TJP1: variants seen among roughly 807,000 people sequenced by gnomAD.
The protein encoded by TJP1 is tight junction protein ZO-1.
In TJP1, 43 loss-of-function variants were observed where a neutral mutation model predicts 194.2. The observed-to-expected ratio is 0.22, with a 90% CI of 0.17 to 0.29. The LOEUF (loss-of-function observed/expected upper bound fraction) is 0.29, where lower values mean the gene tolerates loss of function less well. TJP1 is among the 10% of genes least tolerant of loss of function. The pLI, the probability that TJP1 is intolerant of heterozygous loss-of-function variation, is 1.00. For missense variants in TJP1, 1,971 were observed against 2,185.7 expected (o/e 0.90, Z 1.96); for synonymous variants, 801 against 779.0 (o/e 1.03, Z -0.47).
chr15:29,858,222 G>A (rs1006267221), intron 2 of TJP1, among the ~76,000 whole-genome samples: 6 of 152,038 alleles, frequency 3.9e-5, no homozygotes, highest in Admixed American at 1.3e-4. Context: ...GCAACATGTC[G>A]AAACTTCGTC....
intron 2 of TJP1, among the ~76,000 whole-genome samples, chr15:29,866,835 T>A (rs536722377): frequency 6.6e-6 from 1 of 152,166 alleles, no homozygotes; most frequent in East Asian, 1.9e-4. Flanking sequence ...GAGAAGGAGA[T>A]CTGCAGGCTC....
At chr15:29,818,007 A>G (rs552025014) in intron 1 of TJP1, among the ~76,000 whole-genome samples, 1 of 151,906 alleles carries the variant, frequency 6.6e-6, no homozygotes, top group Non-Finnish European at 1.5e-5. Flanking sequence ...CCCAGAACTT[A>G]ATTAAAAAAA....
intron 2 of TJP1, among the ~76,000 whole-genome samples, chr15:29,830,788 T>C (rs2050814717): frequency 6.6e-6 from 1 of 152,070 alleles, no homozygotes; most frequent in Non-Finnish European, 1.5e-5. Flanking sequence ...AATCTCCAAC[T>C]AGGAACAGCT....
chr15:29,769,476 TATG>T (rs905035874), intron 4 of TJP1, among the ~76,000 whole-genome samples: 37 of 152,134 alleles, frequency 2.4e-4, no homozygotes, highest in African/African-American at 8.7e-4. Context: ...TAGGTAGTAA[TATG>T]ATGATTTTTG....
At chr15:29,778,062 G>C (rs915823807) in intron 2 of TJP1, among the ~76,000 whole-genome samples, 5 of 151,834 alleles carry the variant, frequency 3.3e-5, no homozygotes, top group Admixed American at 2.0e-4. Context: ...AAAACATTAG[G>C]AACTTTCAAT....
intron 2 of TJP1, among the ~76,000 whole-genome samples, chr15:29,907,277 C>T (rs937814686): frequency 3.3e-5 from 5 of 151,492 alleles, no homozygotes; most frequent in African/African-American, 1.2e-4. Context: ...GGGGTGGTGG[C>T]GGGCGCCTGT....
intron 1 of TJP1, among the ~76,000 whole-genome samples, chr15:29,801,842 G>C (rs2048810795): frequency 6.6e-6 from 1 of 151,630 alleles, no homozygotes; most frequent in South Asian, 2.1e-4. Context: ...GAATTGTCTT[G>C]GGCCACACAT....
At chr15:29,714,273 C>G (rs2042414571) in intron 23 of TJP1, among the ~76,000 whole-genome samples, 1 of 151,944 alleles carries the variant, frequency 6.6e-6, no homozygotes, top group African/African-American at 2.4e-5. Flanking sequence ...GAGTCTGGCT[C>G]TGTCGCCCAG....
chr15:29,939,470 C>A (rs574309236), intron 2 of TJP1, among the ~76,000 whole-genome samples: 7 of 152,288 alleles, frequency 4.6e-5, no homozygotes, highest in African/African-American at 1.7e-4. Flanking sequence ...AGAGCCTACA[C>A]CTGATTTACC....
At chr15:29,818,952 G>A (rs866310252) in intron 1 of TJP1, among the ~76,000 whole-genome samples, 37 of 151,246 alleles carry the variant, frequency 2.4e-4, no homozygotes, top group African/African-American at 8.8e-4. Context: ...CAAGTAGCTG[G>A]GATTATAGGC....
chr15:29,835,654 A>T (rs922926617), intron 2 of TJP1, among the ~76,000 whole-genome samples: 1 of 151,552 alleles, frequency 6.6e-6, no homozygotes, highest in African/African-American at 2.4e-5. Context: ...TAGCTGCAAA[A>T]AAAAAACAAA....
intron 18 of TJP1, among the ~76,000 whole-genome samples, chr15:29,726,016 A>C (rs1485353078): frequency 2.6e-5 from 4 of 152,148 alleles, no homozygotes; most frequent in Admixed American, 2.6e-4. Context: ...GGAGATGCTC[A>C]TCTAGGCCAT....
chr15:29,916,972 C>CA (rs1410768469), intron 2 of TJP1, among the ~76,000 whole-genome samples: 1 of 152,190 alleles, frequency 6.6e-6, no homozygotes, highest in Non-Finnish European at 1.5e-5. Flanking sequence ...AGAACCCCCC[C>CA]TCCACCACCA....
chr15:29,701,436 T>G lies in TJP1; in HGVS notation c.*159A>C. 1.7e-6 allele frequency: 1 copy of G among 590,572 alleles called. No homozygotes were observed. Among genetic ancestry groups the G allele is most frequent in the Non-Finnish European group, 3.0e-6 (1 of 335,874 alleles). 36.6% of individuals were successfully genotyped at this position (590,572 alleles called of 1,614,324 possible). ...GTGTAGCATGTTTTCCGACCATGGT[T>G]CAGGGGCATGCTCACTCATCTTTAT... On this transcript the variant is annotated 3_prime_UTR_variant, in exon 28 of 28. Coordinates refer to ENST00000614355, the MANE Select transcript of TJP1 (RefSeq NM_001330239.4).
chr15:29,902,586 A>C (rs1385675473), intron 2 of TJP1, among the ~76,000 whole-genome samples: 1 of 152,184 alleles, frequency 6.6e-6, no homozygotes, highest in Admixed American at 6.6e-5. Flanking sequence ...GTATGAACAA[A>C]ATTCCTTTAT....
intron 1 of TJP1, among the ~76,000 whole-genome samples, chr15:29,815,118 A>G (rs1340450894): frequency 6.6e-6 from 1 of 152,202 alleles, no homozygotes; most frequent in Non-Finnish European, 1.5e-5. Context: ...TTAAGAATTT[A>G]TCTGTTTAAG....
intron 23 of TJP1, among the ~76,000 whole-genome samples, chr15:29,712,185 T>C (rs1016760696): frequency 3.7e-4 from 56 of 152,250 alleles, no homozygotes; most frequent in Non-Finnish European, 1.5e-5. Flanking sequence ...GGAATACTCC[T>C]GGTCATTTTC....
At chr15:29,758,624 A>C (rs537153710) in intron 8 of TJP1, among the ~76,000 whole-genome samples, 1 of 152,322 alleles carries the variant, frequency 6.6e-6, no homozygotes, top group South Asian at 2.1e-4. Flanking sequence ...CAAATTACTT[A>C]AGCATGGTTT....
intron 2 of TJP1, among the ~76,000 whole-genome samples, chr15:29,909,979 G>A (rs1043802895): frequency 6.6e-6 from 1 of 152,118 alleles, no homozygotes; most frequent in Non-Finnish European, 1.5e-5. Flanking sequence ...GAGTTTCTAG[G>A]CTGATCCAGA....
Sources: allele counts gnomAD v4.1 joint callset (sites outside exome capture counted in the v4.1 genomes callset), GRCh38; gene constraint gnomAD v4.1.1; transcripts MANE v1.5; gene names NCBI Gene and HGNC (gene_info 2026-07-23, HGNC 2026-07-21).